Variants in CDH12 observed in about 807,000 individuals in gnomAD.
CDH12 encodes the protein cadherin-12.
In CDH12, 41 loss-of-function variants were observed where a neutral mutation model predicts 74.1. The ratio of observed to expected loss-of-function variants is 0.55; its 90% CI spans 0.43 to 0.72. The LOEUF (loss-of-function observed/expected upper bound fraction) is 0.72, where lower values mean the gene tolerates loss of function less well. Ranked by LOEUF, CDH12 falls within the 30% of genes least tolerant of loss-of-function variation. CDH12 has a pLI of 0.00. For synonymous variants in CDH12, 399 were observed against 355.0 expected (o/e 1.12, Z -1.39); for missense variants, 945 against 977.2 (o/e 0.97, Z 0.44).
intron 1 of CDH12, among the ~76,000 whole-genome samples, chr5:22,604,633 A>C (rs1737007564): frequency 1.3e-5 from 2 of 152,226 alleles, no homozygotes; most frequent in Non-Finnish European, 2.9e-5. Context: ...ATCTAAAAAA[A>C]CCTTCATTAA....
chr5:22,353,708 A>G lies in CDH12; in HGVS notation c.-333+51549T>C, dbSNP rs774575304. Among the ~76,000 whole-genome samples the G allele has an allele frequency of 9.2e-5, 14 of 152,246 alleles. No individual in the cohort carries two copies. The South Asian group carries it at 1.7e-3, about 18-fold the overall frequency. On this transcript the variant is annotated intron_variant, in intron 3 of 14. Coordinates refer to ENST00000382254, the MANE Select transcript of CDH12 (RefSeq NM_004061.5). ...AAAGTCTCAGAAAAGTATACTCGAA[A>G]AGTTTGGTCATTATTTCTGTATTTG...
chr5:22,719,368 G>C (rs1344045865), intron 1 of CDH12, among the ~76,000 whole-genome samples: 1 of 152,194 alleles, frequency 6.6e-6, no homozygotes, highest in African/African-American at 2.4e-5. Flanking sequence ...TCATGGAATA[G>C]ATGGTTACGG....
chr5:22,192,438 A>C (rs2150347623), intron 4 of CDH12, among the ~76,000 whole-genome samples: 1 of 152,318 alleles, frequency 6.6e-6, no homozygotes, highest in African/African-American at 2.4e-5. Flanking sequence ...TGGTGAATGT[A>C]ATGTCAGGTT....
chr5:22,017,763 CTT>C (rs756517987), intron 5 of CDH12, among the ~76,000 whole-genome samples: 22 of 140,322 alleles, frequency 1.6e-4, no homozygotes, highest in Admixed American at 2.2e-4. Flanking sequence ...TCCCTCCATT[CTT>C]TTTTTTTTTT....
chr5:22,206,393 A>AT (rs35663678), intron 4 of CDH12, among the ~76,000 whole-genome samples: 1 of 151,668 alleles, frequency 6.6e-6, no homozygotes, highest in African/African-American at 2.4e-5. Flanking sequence ...TACCTGGGAA[A>AT]TTTTTTTTTA....
At chr5:22,630,839 A>C (rs1049445517) in intron 1 of CDH12, among the ~76,000 whole-genome samples, 6 of 152,218 alleles carry the variant, frequency 3.9e-5, no homozygotes, top group East Asian at 1.9e-4. Context: ...CTATCAAGAG[A>C]GTAAACAGAC....
intron 6 of CDH12, among the ~76,000 whole-genome samples, chr5:21,893,777 C>A (rs1402739328): frequency 3.9e-5 from 6 of 152,064 alleles, no homozygotes; most frequent in Non-Finnish European, 2.9e-5. Context: ...GGTTTTGAAG[C>A]CCAGTAGAGT....
chr5:21,880,472 T>C (rs1260424893), intron 6 of CDH12, among the ~76,000 whole-genome samples: 3 of 17,990 alleles, frequency 1.7e-4, no homozygotes, highest in Non-Finnish European at 1.6e-3. Context: ...CCTTCTTTCC[T>C]TCCTTCCTTC....
chr5:22,489,158 C>A (rs1328006766), intron 2 of CDH12, among the ~76,000 whole-genome samples: 4 of 126,872 alleles, frequency 3.2e-5, no homozygotes, highest in South Asian at 2.5e-4. Flanking sequence ...CCTGGGTTCA[C>A]GCCATTCTCC....
chr5:21,968,853 T>G (rs1037724009), intron 6 of CDH12, among the ~76,000 whole-genome samples: 2 of 152,056 alleles, frequency 1.3e-5, no homozygotes, highest in South Asian at 4.2e-4. Flanking sequence ...CTGGAAGCCA[T>G]TATCCTTAGC....
intron 13 of CDH12, among the ~76,000 whole-genome samples, chr5:21,756,939 G>A (rs1176000750): frequency 6.6e-6 from 1 of 152,128 alleles, no homozygotes; most frequent in Admixed American, 6.5e-5. Flanking sequence ...TATGATTAGG[G>A]ATGAACAAAT....
intron 1 of CDH12, among the ~76,000 whole-genome samples, chr5:22,830,855 T>A (rs1736572586): frequency 6.6e-6 from 1 of 151,672 alleles, no homozygotes; most frequent in African/African-American, 2.4e-5. Flanking sequence ...TTCTGAATCA[T>A]TATTACATAA....
rs1313736569 is a variant in CDH12 at position 22,696,370 on chromosome 5, C to CAAAAAAAA, written c.-523+156680_-523+156687dup. Among the ~76,000 whole-genome samples, 592 of 96,442 alleles carry CAAAAAAAA rather than the reference C, an allele frequency of 6.1e-3. 11 individuals are homozygous for CAAAAAAAA. The highest frequency in any genetic ancestry group is 0.025 in the African/African-American group (564 of 22,378). 63.3% of individuals were successfully genotyped at this position (96,442 alleles called of 152,430 possible). On this transcript the variant is annotated intron_variant, in intron 1 of 14. Transcript: ENST00000382254. The stretch of plus-strand genomic sequence containing the variant: ...TGGGCGACAGAGTGAGACTCCGTCT[C>CAAAAAAAA]AAAAAAAAAAAAAAAAAAAAATTTT...
chr5:22,229,136 T>C (rs1459697781), intron 3 of CDH12, among the ~76,000 whole-genome samples: 1 of 151,462 alleles, frequency 6.6e-6, no homozygotes, highest in East Asian at 1.9e-4. Flanking sequence ...AAATCCTTTT[T>C]CTTTTTTTTT....
intron 1 of CDH12, among the ~76,000 whole-genome samples, chr5:22,626,021 G>A (rs1003766735): frequency 6.6e-6 from 1 of 152,000 alleles, no homozygotes; most frequent in African/African-American, 2.4e-5. Context: ...GTCAGTGCAT[G>A]CCGCCATCCA....
intron 5 of CDH12, among the ~76,000 whole-genome samples, chr5:22,035,244 T>G (rs1580147018): frequency 6.6e-6 from 1 of 152,160 alleles, no homozygotes; most frequent in Non-Finnish European, 1.5e-5. Context: ...GTGTTCTTCT[T>G]TGGCACACAA....
At position 22,322,784 on chromosome 5, in the gene CDH12, G is replaced by C. The variant is rs550286589; in HGVS notation, c.-333+82473C>G. On this transcript the variant is annotated intron_variant, in intron 3 of 14. Transcript: ENST00000382254. The stretch of plus-strand genomic sequence containing the variant: ...AGGCTCATTCACTGGGCAGGTGAGT[G>C]AGCTATCTTTTTTGATCTCGCCCAC... Among the ~76,000 whole-genome samples the C allele has an allele frequency of 3.7e-4, 56 of 152,248 alleles. 1 individual carries two copies. Among genetic ancestry groups the C allele is most frequent in the Admixed American group, 3.3e-3 (51 of 15,284 alleles).
intron 11 of CDH12, among the ~76,000 whole-genome samples, chr5:21,769,524 C>T (rs1000364794): frequency 3.8e-4 from 58 of 152,082 alleles, no homozygotes; most frequent in African/African-American, 1.4e-3. Flanking sequence ...GAGGATAGAT[C>T]TCACTTCTTG....
chr5:22,378,075 A>G (rs1741613169), intron 3 of CDH12, among the ~76,000 whole-genome samples: 1 of 152,154 alleles, frequency 6.6e-6, no homozygotes, highest in Non-Finnish European at 1.5e-5. Context: ...ATAGTGCAAT[A>G]ACATTATTTA....
Sources: allele counts gnomAD v4.1 joint callset (sites outside exome capture counted in the v4.1 genomes callset), GRCh38; gene constraint gnomAD v4.1.1; transcripts MANE v1.5; gene names NCBI Gene and HGNC (gene_info 2026-07-23, HGNC 2026-07-21).